Variants in SMARCC1 observed in about 807,000 individuals in gnomAD.
SMARCC1 encodes SWI/SNF related BAF chromatin remodeling complex subunit C1, also known as SWI/SNF complex subunit SMARCC1.
Under a neutral mutation model 147.4 loss-of-function variants are expected in SMARCC1, and 43 were observed. The observed-to-expected ratio is 0.29, with a 90% CI of 0.23 to 0.38. SMARCC1 has a LOEUF of 0.38. Ranked by LOEUF, SMARCC1 falls within the 10% of genes least tolerant of loss-of-function variation. The pLI is 1.00. For missense variants in SMARCC1, 1,119 were observed against 1,381.1 expected (o/e 0.81, Z 3.01); for synonymous variants, 495 against 484.4 (o/e 1.02, Z -0.29).
intron 25 of SMARCC1, among the ~76,000 whole-genome samples, chr3:47,620,739 G>A (rs2032719150): frequency 6.6e-6 from 1 of 152,200 alleles, no homozygotes; most frequent in Admixed American, 6.5e-5. Context: ...GGAGAGGGAA[G>A]AGAAGTGTGA....
intron 21 of SMARCC1, among the ~76,000 whole-genome samples, chr3:47,646,566 G>C (rs548493794): frequency 6.6e-6 from 1 of 152,232 alleles, no homozygotes; most frequent in Non-Finnish European, 1.5e-5. Context: ...TTTCCTAACA[G>C]GCTGAAATAA....
At chr3:47,708,562 T>C (rs945039125) in intron 9 of SMARCC1, among the ~76,000 whole-genome samples, 2 of 152,080 alleles carry the variant, frequency 1.3e-5, no homozygotes, top group African/African-American at 2.4e-5. Flanking sequence ...AATATAGAAA[T>C]TGGAATATTC....
At chr3:47,599,230 TACA>T (rs1046549626) in intron 26 of SMARCC1, among the ~76,000 whole-genome samples, 6 of 152,028 alleles carry the variant, frequency 3.9e-5, no homozygotes, top group Non-Finnish European at 5.9e-5. Context: ...CTACTAATAA[TACA>T]ACAATTAGCC....
intron 2 of SMARCC1, among the ~76,000 whole-genome samples, chr3:47,747,142 A>T (rs986050296): frequency 6.6e-6 from 1 of 151,928 alleles, no homozygotes; most frequent in African/African-American, 2.4e-5. Context: ...CAAAAAATTT[A>T]AAAATTAGGC....
chr3:47,679,976 T>C (rs1032123798), intron 15 of SMARCC1, among the ~76,000 whole-genome samples: 3 of 151,726 alleles, frequency 2.0e-5, no homozygotes, highest in Non-Finnish European at 2.9e-5. Context: ...TTGATGTGCA[T>C]ATAGTTCAAG....
At chr3:47,633,681 T>C (rs780641527) in intron 24 of SMARCC1, among the ~76,000 whole-genome samples, 10 of 139,560 alleles carry the variant, frequency 7.2e-5, no homozygotes, top group African/African-American at 8.1e-5. Flanking sequence ...GAGGCGGAGG[T>C]TGCAGTGAGC....
intron 19 of SMARCC1, chr3:47,663,635 ATTCCAGAGG>A: frequency 1.3e-6 from 2 of 1,509,828 alleles, no homozygotes; most frequent in Middle Eastern, 3.6e-4. Context: ...CGGCCCTGTG[ATTCCAGAGG>A]TCCCCTTTGA....
intron 18 of SMARCC1, among the ~76,000 whole-genome samples, chr3:47,674,463 G>C (rs899911542): frequency 6.6e-6 from 1 of 152,026 alleles, no homozygotes; most frequent in Non-Finnish European, 1.5e-5. Context: ...ATGTCCTTTG[G>C]CTTTGATCAT....
chr3:47,708,494 TAAAC>T (rs750482087), intron 9 of SMARCC1, among the ~76,000 whole-genome samples: 14 of 152,102 alleles, frequency 9.2e-5, no homozygotes, highest in East Asian at 5.8e-4. Flanking sequence ...AATAAATGAA[TAAAC>T]AAACAAACTA....
Position 47,603,892 on chromosome 3 carries a change from T to A in SMARCC1, c.3043+6174A>T, listed in dbSNP as rs548378555. 27 of 390,762 alleles carry A rather than the reference T, an allele frequency of 6.9e-5. No homozygotes were observed. The Admixed American group carries it at 6.9e-4, about 10-fold the overall frequency. The allele number at this position is 390,762 out of a possible 1,614,324, so 24.2% of individuals were successfully genotyped here. A position where few individuals can be genotyped will look rare whatever the true frequency, so the allele number is the denominator to read the frequency against. ...AGGAAGAAACCAAGTTGGGACACTATAAGAGACAGGAACAAAATCTACCAA... is the reference window on the plus strand; with the variant it reads ...AGGAAGAAACCAAGTTGGGACACTAAAAGAGACAGGAACAAAATCTACCAA... On this transcript the variant is annotated intron_variant, in intron 26 of 27. Transcript: ENST00000254480.
At chr3:47,730,039 C>T (rs571913498) in intron 5 of SMARCC1, among the ~76,000 whole-genome samples, 2 of 152,034 alleles carry the variant, frequency 1.3e-5, no homozygotes, top group African/African-American at 4.8e-5. Flanking sequence ...ATTAGCTGGG[C>T]GTGGTGGCAC....
At chr3:47,770,152 C>T (rs1446155852) in intron 2 of SMARCC1, among the ~76,000 whole-genome samples, 2 of 151,394 alleles carry the variant, frequency 1.3e-5, no homozygotes, top group South Asian at 2.1e-4. Context: ...GGCATGAACC[C>T]GGTAGGCAGA....
intron 24 of SMARCC1, among the ~76,000 whole-genome samples, chr3:47,628,625 T>G (rs2032844743): frequency 6.6e-6 from 1 of 152,190 alleles, no homozygotes; most frequent in African/African-American, 2.4e-5. Context: ...CAGGCTGGAA[T>G]GCAGTGGCAT....
At chr3:47,767,136 T>A (rs1327976054) in intron 2 of SMARCC1, among the ~76,000 whole-genome samples, 1 of 114,228 alleles carries the variant, frequency 8.8e-6, no homozygotes, top group East Asian at 3.2e-4. Flanking sequence ...TGAGCCGAGA[T>A]CACACCACTG....
At chr3:47,755,079 T>C (rs1178943879) in intron 2 of SMARCC1, among the ~76,000 whole-genome samples, 3 of 151,540 alleles carry the variant, frequency 2.0e-5, no homozygotes, top group Non-Finnish European at 2.9e-5. Context: ...GGCACAGTTA[T>C]GCACGTCTGT....
chr3:47,779,601 G>A (rs865887137), intron 1 of SMARCC1, among the ~76,000 whole-genome samples: 6 of 152,156 alleles, frequency 3.9e-5, no homozygotes, highest in Non-Finnish European at 2.9e-5. Context: ...TTAGCCTAGT[G>A]GTCTCAATAC....
At chr3:47,687,486 C>G (rs982081833) in intron 13 of SMARCC1, among the ~76,000 whole-genome samples, 1 of 152,140 alleles carries the variant, frequency 6.6e-6, no homozygotes, top group Non-Finnish European at 1.5e-5. Context: ...TTGTGGGAGA[C>G]AGCTTTAGAG....
intron 3 of SMARCC1, among the ~76,000 whole-genome samples, chr3:47,745,505 G>A (rs1204332333): frequency 1.3e-5 from 2 of 152,142 alleles, no homozygotes; most frequent in African/African-American, 4.8e-5. Context: ...TTGAGGCCAG[G>A]AGTTTGAGAG....
chr3:47,635,069 TTCAAGCAG>T (rs1168570716), intron 24 of SMARCC1, 113 bp downstream of exon 24: 1 of 809,432 alleles, frequency 1.2e-6, no homozygotes, highest in East Asian at 2.5e-5. Context: ...AGAAATGCCA[TTCAAGCAG>T]TCATCTCCTA....
Sources: gnomAD v4.1 joint callset for allele counts (sites outside exome capture counted in the v4.1 genomes callset) on GRCh38, gnomAD v4.1.1 for gene constraint, MANE v1.5 for transcripts, NCBI Gene and HGNC (gene_info 2026-07-23, HGNC 2026-07-21) for gene names.